PTPRD: variants seen among roughly 807,000 people sequenced by gnomAD.
PTPRD encodes the protein protein tyrosine phosphatase receptor type D, also known as receptor-type tyrosine-protein phosphatase delta.
In PTPRD, 34 loss-of-function variants were observed where a neutral mutation model predicts 214.5. That is an observed-to-expected ratio of 0.16 (90% CI 0.12 to 0.21). The LOEUF (loss-of-function observed/expected upper bound fraction) is 0.21. PTPRD is among the 10% of genes least tolerant of loss of function. PTPRD has a pLI of 1.00. For missense variants in PTPRD, 2,545 were observed against 2,398.7 expected, an observed-to-expected ratio of 1.06 and a Z score of -1.27; for synonymous variants, 1,128 against 845.7, an observed-to-expected ratio of 1.33 and a Z score of -5.79.
intron 8 of PTPRD, among the ~76,000 whole-genome samples, chr9:9,569,279 G>GAA (rs150202629): frequency 2.8e-5 from 4 of 145,332 alleles, no homozygotes; most frequent in Admixed American, 6.9e-5. Context: ...GAGCAGAGGG[G>GAA]AAAAAAAAAA....
At chr9:9,256,469 C>A (rs1327060629) in intron 9 of PTPRD, among the ~76,000 whole-genome samples, 1 of 151,198 alleles carries the variant, frequency 6.6e-6, no homozygotes, top group African/African-American at 2.4e-5. Context: ...AATGTTCTTG[C>A]CTAAAAGATT....
At chr9:10,284,962 G>C (rs1316037412) in intron 3 of PTPRD, among the ~76,000 whole-genome samples, 4 of 152,094 alleles carry the variant, frequency 2.6e-5, no homozygotes, top group Non-Finnish European at 4.4e-5. Context: ...TTCTATATCA[G>C]CACTTCATTT....
At chr9:9,703,273 CTG>C (rs1219652920) in intron 7 of PTPRD, among the ~76,000 whole-genome samples, 1 of 152,186 alleles carries the variant, frequency 6.6e-6, no homozygotes, top group Non-Finnish European at 1.5e-5. Context: ...CCATGCTGAA[CTG>C]TGAGTCAATT....
At chr9:10,125,719 G>C (rs1261027153) in intron 3 of PTPRD, among the ~76,000 whole-genome samples, 52 of 150,892 alleles carry the variant, frequency 3.4e-4, no homozygotes, top group Non-Finnish European at 3.7e-4. Context: ...CCTTTCCTCG[G>C]GATCCGCTCG....
chr9:10,502,538 T>A (rs983023189), intron 2 of PTPRD, among the ~76,000 whole-genome samples: 1 of 152,086 alleles, frequency 6.6e-6, no homozygotes, highest in Admixed American at 6.6e-5. Context: ...GATGTTCTCA[T>A]AAGTTCTGCC....
chr9:10,241,736 G>A (rs950386291), intron 3 of PTPRD, among the ~76,000 whole-genome samples: 4 of 151,888 alleles, frequency 2.6e-5, no homozygotes, highest in African/African-American at 9.7e-5. Context: ...AACTTTTGGG[G>A]ATGATGGATC....
chr9:8,477,400 T>G (rs984116707), intron 30 of PTPRD, among the ~76,000 whole-genome samples: 2 of 152,148 alleles, frequency 1.3e-5, no homozygotes, highest in African/African-American at 2.4e-5. Flanking sequence ...TTATATTAAG[T>G]AAAGTTTTAC....
intron 6 of PTPRD, among the ~76,000 whole-genome samples, chr9:9,735,292 G>T (rs2098273271): frequency 6.6e-6 from 1 of 152,024 alleles, no homozygotes; most frequent in Admixed American, 6.6e-5. Flanking sequence ...TTCTGTGTTT[G>T]AGCAGAAATA....
At chr9:8,817,446 C>G (rs1468127917) in intron 11 of PTPRD, among the ~76,000 whole-genome samples, 1 of 152,178 alleles carries the variant, frequency 6.6e-6, no homozygotes, top group Non-Finnish European at 1.5e-5. Context: ...GACACCCTGT[C>G]ATTACAAAAC....
rs1488236162 is a variant in PTPRD at position 9,365,862 on chromosome 9, A to T, written c.-203+31587T>A. Among the ~76,000 whole-genome samples, 3 of 151,580 alleles carry T rather than the reference A, an allele frequency of 2.0e-5. No individual in the cohort carries two copies. The East Asian group carries it at 5.8e-4, about 29-fold the overall frequency. On this transcript the variant is annotated intron_variant, in intron 9 of 45. Coordinates refer to ENST00000381196, the MANE Select transcript of PTPRD (RefSeq NM_002839.4). ...CTAAACTCTAGTTATATTATACAGC[A>T]TTCTTAAAATGATGAATATAAATAA... is the stretch of plus-strand genomic sequence containing the variant.
chr9:8,578,572 G>A (rs1166849208), intron 14 of PTPRD, among the ~76,000 whole-genome samples: 1 of 152,162 alleles, frequency 6.6e-6, no homozygotes, highest in African/African-American at 2.4e-5. Context: ...GAGTGCAGAG[G>A]CTTGGTTATC....
intron 11 of PTPRD, among the ~76,000 whole-genome samples, chr9:8,765,941 C>T (rs1340192951): frequency 2.0e-5 from 3 of 151,980 alleles, no homozygotes; most frequent in Admixed American, 6.6e-5. Flanking sequence ...TCTAAGACTC[C>T]TCTGGTCAAC....
chr9:10,537,691 A>C (rs2058150764), intron 2 of PTPRD, among the ~76,000 whole-genome samples: 1 of 152,118 alleles, frequency 6.6e-6, no homozygotes, highest in African/African-American at 2.4e-5. Flanking sequence ...ACACTCCTTC[A>C]GTGAGTTTCT....
intron 11 of PTPRD, 82 bp from the exon 12 acceptor site, chr9:8,734,028 T>C (rs2271445): frequency 4.9e-6 from 3 of 612,634 alleles, no homozygotes; most frequent in Non-Finnish European, 8.7e-6. Context: ...CCTGGTTCCA[T>C]CACAATCACC....
chr9:8,941,748 G>C (rs754631910), intron 11 of PTPRD, among the ~76,000 whole-genome samples: 24 of 152,122 alleles, frequency 1.6e-4, no homozygotes, highest in Non-Finnish European at 3.1e-4. Flanking sequence ...CTTTCATCAA[G>C]GGCTTTTAAG....
chr9:9,242,622 G>C (rs576449602), intron 9 of PTPRD, among the ~76,000 whole-genome samples: 87 of 152,146 alleles, frequency 5.7e-4, no homozygotes, highest in African/African-American at 1.9e-3. Context: ...CTTTCTTCCA[G>C]TTGATCGAAT....
intron 3 of PTPRD, among the ~76,000 whole-genome samples, chr9:10,035,295 T>C (rs7041382): frequency 0.21 from 31,330 of 151,950 alleles, 3,660 homozygotes; most frequent in East Asian, 0.49. Context: ...TATTTTTTTT[T>C]CTTGTAAATT....
rs554807312 is a variant in PTPRD, at chr9:9,373,908, T to C, written c.-203+23541A>G. 1.6e-4 allele frequency among the ~76,000 whole-genome samples: 25 copies of C among 152,222 alleles called. 1 individual carries two copies. In the East Asian group the frequency reaches 4.8e-3, roughly 29 times the overall value. ...GTATTTGTTAATTTTTTATATATTA[T>C]GGACATTATATTTTATCAATTATAT... is the stretch of plus-strand genomic sequence containing the variant. On this transcript the variant is annotated intron_variant, in intron 9 of 45. Coordinates refer to ENST00000381196, the MANE Select transcript of PTPRD (RefSeq NM_002839.4).
At chr9:8,691,564 C>T (rs551807454) in intron 12 of PTPRD, among the ~76,000 whole-genome samples, 1 of 152,202 alleles carries the variant, frequency 6.6e-6, no homozygotes, top group South Asian at 2.1e-4. Flanking sequence ...TCTTTTGAAA[C>T]CTTCATTACA....
Sources: allele counts gnomAD v4.1 joint callset (sites outside exome capture counted in the v4.1 genomes callset), GRCh38; gene constraint gnomAD v4.1.1; transcripts MANE v1.5; gene names NCBI Gene and HGNC (gene_info 2026-07-23, HGNC 2026-07-21).